Variants in SRGAP3 observed in about 807,000 individuals in gnomAD.
The protein encoded by SRGAP3 is SLIT-ROBO Rho GTPase activating protein 3, also known as SLIT-ROBO Rho GTPase-activating protein 3.
A neutral mutation model predicts 121.1 loss-of-function variants in SRGAP3; 39 were observed. That is an observed-to-expected ratio of 0.32 (90% CI 0.25 to 0.42). The LOEUF is 0.42. Among genes scored for constraint, SRGAP3 ranks in the 10% least tolerant of loss-of-function variants. SRGAP3 has a pLI of 1.00. For synonymous variants in SRGAP3, 601 were observed against 570.0 expected (o/e 1.05, Z -0.77); for missense variants, 1,213 against 1,470.6 (o/e 0.82, Z 2.86).
chr3:9,034,774 G>C (rs1263115143), intron 11 of SRGAP3: 1 of 152,090 alleles, frequency 6.6e-6, no homozygotes, highest in Non-Finnish European at 1.5e-5. Flanking sequence ...TTTCTTACAA[G>C]AGCTGCTCTT....
Position 9,086,920 on chromosome 3 carries a change from T to A in SRGAP3, c.424-6833A>T, listed in dbSNP as rs969800748. ...GAAGGGAATATAAAATTGAATTTTTTAGTAACTCTTCCCTTAAGAATCTCC... is the reference window on the plus strand; with the variant it reads ...GAAGGGAATATAAAATTGAATTTTTAAGTAACTCTTCCCTTAAGAATCTCC... On this transcript the variant is annotated intron_variant, in intron 3 of 21. Coordinates refer to ENST00000383836, the MANE Select transcript of SRGAP3 (RefSeq NM_014850.4). Among the ~76,000 whole-genome samples the A allele has an allele frequency of 4.0e-5, 6 of 151,194 alleles. No individual in the cohort carries two copies. In the East Asian group the frequency reaches 9.8e-4, roughly 25 times the overall value.
At chr3:9,238,911 A>C (rs1195853702) in intron 1 of SRGAP3, among the ~76,000 whole-genome samples, 1 of 152,220 alleles carries the variant, frequency 6.6e-6, no homozygotes, top group Non-Finnish European at 1.5e-5. Flanking sequence ...ACCAACCACC[A>C]AAGACTCAAT....
intron 3 of SRGAP3, among the ~76,000 whole-genome samples, chr3:9,318,601 G>A (rs972882445): frequency 2.0e-5 from 3 of 151,560 alleles, no homozygotes; most frequent in Non-Finnish European, 4.4e-5. Flanking sequence ...AGGGCCAGGT[G>A]CCGTGGCTCA....
chr3:9,173,359 C>T (rs1401151128), intron 1 of SRGAP3, among the ~76,000 whole-genome samples: 1 of 152,210 alleles, frequency 6.6e-6, no homozygotes, highest in African/African-American at 2.4e-5. Flanking sequence ...CCAGTGAAAG[C>T]ACTACCCTCC....
chr3:9,140,142 C>T (rs1260487936), intron 1 of SRGAP3, among the ~76,000 whole-genome samples: 1 of 139,158 alleles, frequency 7.2e-6, no homozygotes, highest in South Asian at 2.3e-4. Flanking sequence ...CACACACACA[C>T]ACACACACAT....
At chr3:9,249,696 G>A (rs1460663514), upstream of SRGAP3, 2 of 231,790 alleles carry the variant, frequency 8.6e-6, no homozygotes, top group Admixed American at 5.6e-5. Context: ...CACGTCACTA[G>A]ACTCCGCCTC....
chr3:9,220,722 C>T (rs1309030167), intron 1 of SRGAP3, among the ~76,000 whole-genome samples: 1 of 152,180 alleles, frequency 6.6e-6, no homozygotes, highest in African/African-American at 2.4e-5. Flanking sequence ...AGGCATCTGT[C>T]CCAATGCAAA....
intron 3 of SRGAP3, among the ~76,000 whole-genome samples, chr3:9,300,134 G>A: frequency 2.6e-4 from 1 of 3,822 alleles, no homozygotes. Flanking sequence ...TGCTCTATAT[G>A]TGTTAGCCAC....
At chr3:9,248,766 T>C (rs1953914772) in intron 1 of SRGAP3, 119 bp downstream of exon 1, 3 of 1,038,868 alleles carry the variant, frequency 2.9e-6, no homozygotes, top group South Asian at 1.3e-5. Flanking sequence ...AAAAAGATTA[T>C]TGATGCATAA....
In SRGAP3 at chr3:9,243,648, AAGAGAG is replaced by A. The variant is rs533435777; in HGVS notation, c.67+5231_67+5236del. Among the ~76,000 whole-genome samples the A allele has an allele frequency of 3.5e-3, 516 of 149,326 alleles. 2 individuals carry two copies. The highest frequency in any genetic ancestry group is 0.012 in the African/African-American group (486 of 40,414). The stretch of plus-strand genomic sequence containing the variant: ...AGACTCTGTCTTAAAAAAAAAAAAA[AAGAGAG>A]AGAGAGAGAGAGAAAAGGGACTGGT... On this transcript the variant is annotated intron_variant, in intron 1 of 21. Transcript: ENST00000383836.
intron 10 of SRGAP3, among the ~76,000 whole-genome samples, chr3:9,039,902 T>G (rs1051710001): frequency 6.6e-6 from 1 of 152,232 alleles, no homozygotes; most frequent in Non-Finnish European, 1.5e-5. Flanking sequence ...TTCTTTTATC[T>G]CAAACCTTAA....
chr3:9,071,612 G>A (rs957396745), intron 4 of SRGAP3, among the ~76,000 whole-genome samples: 3 of 151,930 alleles, frequency 2.0e-5, no homozygotes, highest in Non-Finnish European at 4.4e-5. Context: ...AAACAAACCA[G>A]AAGTGGGAGA....
intron 3 of SRGAP3, among the ~76,000 whole-genome samples, chr3:9,288,628 T>C (rs1266925058): frequency 1.3e-5 from 2 of 151,462 alleles, no homozygotes; most frequent in Non-Finnish European, 2.9e-5. Context: ...CAGGCTGGAG[T>C]ACAGTGTGTG....
chr3:9,316,944 A>G (rs1271307884), intron 3 of SRGAP3, among the ~76,000 whole-genome samples: 3 of 152,120 alleles, frequency 2.0e-5, no homozygotes, highest in African/African-American at 7.2e-5. Context: ...ACAAAGGCCT[A>G]TTATTCAAGG....
chr3:9,333,560 G>GTT, intron 1 of SRGAP3, among the ~76,000 whole-genome samples: 1 of 152,014 alleles, frequency 6.6e-6, no homozygotes, highest in Non-Finnish European at 1.5e-5. Flanking sequence ...TCACATAACA[G>GTT]TCCTGCATTT....
intron 3 of SRGAP3, among the ~76,000 whole-genome samples, chr3:9,269,061 C>T (rs979729714): frequency 6.6e-6 from 1 of 152,174 alleles, no homozygotes; most frequent in Admixed American, 6.5e-5. Context: ...CCGGAACACG[C>T]CCACTGTGTG....
At chr3:8,986,838 CTGAT>C (rs1574848245) in intron 21 of SRGAP3, among the ~76,000 whole-genome samples, 1 of 152,244 alleles carries the variant, frequency 6.6e-6, no homozygotes, top group African/African-American at 2.4e-5. Context: ...GGAGAGCACT[CTGAT>C]TGAGCACTCT....
chr3:9,217,109 A>G (rs544736332), intron 1 of SRGAP3: 1 of 152,292 alleles, frequency 6.6e-6, no homozygotes, highest in African/African-American at 2.4e-5. Flanking sequence ...AACATTATCA[A>G]TGTATTTAAC....
At chr3:9,068,162 C>T (rs1946517860) in intron 4 of SRGAP3, among the ~76,000 whole-genome samples, 1 of 152,082 alleles carries the variant, frequency 6.6e-6, no homozygotes. Flanking sequence ...TCTATTTTGG[C>T]TTCTGAGTCT....
Sources: gnomAD v4.1 joint callset for allele counts (sites outside exome capture counted in the v4.1 genomes callset) on GRCh38, gnomAD v4.1.1 for gene constraint, MANE v1.5 for transcripts, NCBI Gene and HGNC (gene_info 2026-07-23, HGNC 2026-07-21) for gene names.